HSD17B7: variants seen among roughly 807,000 people sequenced by gnomAD.
The protein encoded by HSD17B7 is hydroxysteroid 17-beta dehydrogenase 7.
HSD17B7 carries 17 observed loss-of-function variants against 34.1 expected under a neutral mutation model. The ratio of observed to expected loss-of-function variants is 0.50; its 90% CI spans 0.34 to 0.75. The LOEUF is 0.75. Among genes scored for constraint, HSD17B7 ranks in the 30% least tolerant of loss-of-function variants. The probability of loss-of-function intolerance (pLI) is 0.01; values close to 1 mark genes in which losing one functional copy is unlikely to be tolerated. For synonymous variants in HSD17B7, 122 were observed against 154.6 expected, an observed-to-expected ratio of 0.79 and a Z score of 1.56; for missense variants, 296 against 406.6, an observed-to-expected ratio of 0.73 and a Z score of 2.34.
At chr1:162,795,314 C>G (rs1648567437) in intron 2 of HSD17B7, among the ~76,000 whole-genome samples, 1 of 152,140 alleles carries the variant, frequency 6.6e-6, no homozygotes, top group Non-Finnish European at 1.5e-5. Context: ...CAGATGAAAA[C>G]TAGTAAGAAA....
At chr1:162,811,391 T>TCAAA (rs1209037358) in intron 8 of HSD17B7, among the ~76,000 whole-genome samples, 1 of 152,198 alleles carries the variant, frequency 6.6e-6, no homozygotes, top group African/African-American at 2.4e-5. Context: ...AATGTTATTT[T>TCAAA]CAAAATGTTC....
intron 8 of HSD17B7, among the ~76,000 whole-genome samples, chr1:162,807,659 C>T (rs796865936): frequency 0.014 from 2,196 of 152,038 alleles, 45 homozygotes; most frequent in African/African-American, 0.049. Flanking sequence ...TTTTAATGAT[C>T]GCCATTCTAA....
chr1:162,802,730 C>T (rs1210064249), intron 5 of HSD17B7, among the ~76,000 whole-genome samples: 1 of 151,308 alleles, frequency 6.6e-6, no homozygotes, highest in Non-Finnish European at 1.5e-5. Flanking sequence ...AAAACAAATC[C>T]CAATAAGAGG....
At chr1:162,799,543 A>G in intron 4 of HSD17B7, 200 bp from the exon 5 acceptor site, 1 of 485,950 alleles carries the variant, frequency 2.1e-6, no homozygotes, top group Non-Finnish European at 3.7e-6. Context: ...AGACTAAGAG[A>G]TATATATGTA....
rs147583413 is a variant in HSD17B7 at position 162,800,223 on chromosome 1, C to T, written c.642+286C>T. The T allele has an allele frequency of 4.6e-3, 2,569 of 557,868 alleles. 44 individuals are homozygous for T. The highest frequency in any genetic ancestry group is 0.041 in the African/African-American group (2,222 of 53,636). The allele number at this position is 557,868 out of a possible 1,614,324, so 34.6% of individuals were successfully genotyped here. A position where few individuals can be genotyped will look rare whatever the true frequency, so the allele number is the denominator to read the frequency against. On this transcript the variant is annotated intron_variant, in intron 5 of 8. Transcript: ENST00000254521. The stretch of plus-strand genomic sequence containing the variant: ...CTTGCTGTGTTTCAGGTGCTGTATT[C>T]GTCTGTGTATGTCATTAAATACCTG...
intron 8 of HSD17B7, among the ~76,000 whole-genome samples, chr1:162,806,286 C>T (rs1219062109): frequency 1.6e-4 from 25 of 152,092 alleles, no homozygotes; most frequent in Admixed American, 1.4e-3. Context: ...TGACTGTTAT[C>T]GCAGGTAAGT....
intron 4 of HSD17B7, among the ~76,000 whole-genome samples, chr1:162,799,103 A>G (rs1480207125): frequency 2.7e-5 from 4 of 150,716 alleles, no homozygotes; most frequent in African/African-American, 9.8e-5. Flanking sequence ...AATTATTTGG[A>G]TTTTTTCCAC....
At chr1:162,809,159 T>C (rs1423742355) in intron 8 of HSD17B7, among the ~76,000 whole-genome samples, 1 of 152,230 alleles carries the variant, frequency 6.6e-6, no homozygotes, top group African/African-American at 2.4e-5. Context: ...ACCTAATTTA[T>C]TGAGAGTTTT....
chr1:162,805,128 G>A (rs949194757), intron 7 of HSD17B7, among the ~76,000 whole-genome samples: 3 of 152,158 alleles, frequency 2.0e-5, no homozygotes, highest in African/African-American at 7.2e-5. Flanking sequence ...AACATAAATG[G>A]AATTGGCTTT....
In HSD17B7 at chr1:162,805,203, G is replaced by T. The variant is rs376378548; in HGVS notation, c.805-191G>T. ...TTTATTGTAGGAATACAAATTGGTT[G>T]TAGAAGCAAGTGCTTTTAAACTATA... On this transcript the variant is annotated intron_variant, in intron 7 of 8. Coordinates refer to ENST00000254521, the MANE Select transcript of HSD17B7 (RefSeq NM_016371.4). Among the ~76,000 whole-genome samples the T allele has an allele frequency of 1.9e-3, 297 of 152,336 alleles. 1 individual carries two copies. The highest frequency in any genetic ancestry group is 6.9e-3 in the African/African-American group (288 of 41,582).
At chr1:162,793,026 TC>T in intron 2 of HSD17B7, 164 bp downstream of exon 2, 1 of 495,136 alleles carries the variant, frequency 2.0e-6, no homozygotes, top group Non-Finnish European at 3.3e-6. Flanking sequence ...TACCACGTTT[TC>T]TTTCTTTTTT....
chr1:162,811,279 CA>C (rs1649162199), intron 8 of HSD17B7, among the ~76,000 whole-genome samples: 1 of 152,222 alleles, frequency 6.6e-6, no homozygotes, highest in Non-Finnish European at 1.5e-5. Flanking sequence ...TATCGGCCCC[CA>C]CTCTCTTCTG....
chr1:162,796,798 G>C, intron 3 of HSD17B7, 121 bp downstream of exon 3: 1 of 685,164 alleles, frequency 1.5e-6, no homozygotes, highest in South Asian at 1.7e-5. Flanking sequence ...GTTGAAGACA[G>C]AAAAAGGAGA....
At chr1:162,810,010 T>G (rs373715904) in intron 8 of HSD17B7, among the ~76,000 whole-genome samples, 1 of 151,920 alleles carries the variant, frequency 6.6e-6, no homozygotes, top group Non-Finnish European at 1.5e-5. Context: ...TGTGTTTGCT[T>G]TTGCTTCTCT....
At chr1:162,798,971 G>A (rs1053451488) in intron 4 of HSD17B7, 2 of 194,098 alleles carry the variant, frequency 1.0e-5, no homozygotes, top group African/African-American at 2.5e-5. Flanking sequence ...TCCAGCCTGG[G>A]CAACAACAGT....
rs140205611 is a variant in HSD17B7, at chr1:162,792,757, G to C, written c.134G>C (p.Cys45Ser). ...AACATGAGCAAGGCAGAAGCTGTCT[G>C]TGCTGCTCTGCTGGCCTCTCACCCC... ...CRNMSKAEAV[C>S]AALLASHPTA... is the part of the protein sequence containing the mutation. Residue 45 changes from cysteine (C) to serine (S), a missense_variant, in exon 2 of 9, where the codon TGT (cysteine) becomes TCT (serine). Physicochemically the swap from Cys to Ser is moderately radical, Grantham distance 112. Coordinates refer to ENST00000254521, the MANE Select transcript of HSD17B7 (RefSeq NM_016371.4). 6 of 1,614,208 alleles carry C rather than the reference G, an allele frequency of 3.7e-6. No individual in the cohort carries two copies. In the East Asian group the frequency reaches 6.7e-5, roughly 18 times the overall value.
At chr1:162,793,084 A>C (rs915125573) in intron 2 of HSD17B7, 1 of 368,210 alleles carries the variant, frequency 2.7e-6, no homozygotes. Context: ...CCCAGGCTGG[A>C]GTGCAATGGC....
rs1649201442 is a variant in HSD17B7 at position 162,812,600 on chromosome 1, G to T, written c.*180G>T. ...GGATGAGGTGGGAGGATCTCTTGAG[G>T]CTGGGAGGCAGAGGTTGCAGTGAGC... is the stretch of plus-strand genomic sequence containing the variant. On this transcript the variant is annotated 3_prime_UTR_variant, in exon 9 of 9. Transcript: ENST00000254521. 2 of 547,566 alleles carry T rather than the reference G, an allele frequency of 3.7e-6. No individual in the cohort carries two copies. The highest frequency in any genetic ancestry group is 7.5e-5 in the South Asian group (2 of 26,790). The allele number at this position is 547,566 out of a possible 1,614,324, so 33.9% of individuals were successfully genotyped here. A position where few individuals can be genotyped will look rare whatever the true frequency, so the allele number is the denominator to read the frequency against.
At chr1:162,803,620 T>C in intron 6 of HSD17B7, 85 bp downstream of exon 6, 1 of 1,471,904 alleles carries the variant, frequency 6.8e-7, no homozygotes, top group Non-Finnish European at 9.3e-7. Flanking sequence ...TGGGAAATGA[T>C]TTAAGGAATT....
Sources: gnomAD v4.1 joint callset for allele counts (sites outside exome capture counted in the v4.1 genomes callset) on GRCh38, gnomAD v4.1.1 for gene constraint, MANE v1.5 for transcripts, NCBI Gene and HGNC (gene_info 2026-07-23, HGNC 2026-07-21) for gene names.